Variants in MICAL3 observed in about 807,000 individuals in gnomAD.
The protein encoded by MICAL3 is [F-actin]-monooxygenase MICAL3.
In MICAL3, 62 loss-of-function variants were observed where a neutral mutation model predicts 207.4. The ratio of observed to expected loss-of-function variants is 0.30; its 90% confidence interval spans 0.24 to 0.37. The LOEUF is 0.37. Ranked by LOEUF, MICAL3 falls within the 10% of genes least tolerant of loss-of-function variation. The pLI is 1.00. For missense variants in MICAL3, 2,368 were observed against 2,635.6 expected (o/e 0.90, Z 2.22); for synonymous variants, 1,077 against 1,069.3 (o/e 1.01, Z -0.14).
chr22:17,940,107 C>G (rs534309714), intron 1 of MICAL3, among the ~76,000 whole-genome samples: 1 of 152,308 alleles, frequency 6.6e-6, no homozygotes, highest in Admixed American at 6.5e-5. Context: ...AAAGCTGAGG[C>G]AAGGAAATGC....
chr22:17,916,068 A>C (rs938113824), intron 1 of MICAL3, among the ~76,000 whole-genome samples: 11 of 150,184 alleles, frequency 7.3e-5, no homozygotes, highest in East Asian at 1.9e-4. Context: ...AAAAAAAAAA[A>C]AAAAAAAAAA....
At chr22:17,797,377 C>T (rs2061887574) in intron 29 of MICAL3, among the ~76,000 whole-genome samples, 1 of 152,018 alleles carries the variant, frequency 6.6e-6, no homozygotes, top group Non-Finnish European at 1.5e-5. Context: ...ATCTATAGTC[C>T]CAGCTACTCA....
chr22:17,989,476 G>A (rs763523111), intron 1 of MICAL3, among the ~76,000 whole-genome samples: 1 of 151,914 alleles, frequency 6.6e-6, no homozygotes, highest in African/African-American at 2.4e-5. Context: ...GACAGAACCC[G>A]GTACAGCAGC....
intron 1 of MICAL3, among the ~76,000 whole-genome samples, chr22:17,959,513 C>T (rs1250095188): frequency 6.6e-6 from 1 of 151,974 alleles, no homozygotes; most frequent in Non-Finnish European, 1.5e-5. Flanking sequence ...CACGGTTTCA[C>T]CATGTTGGCC....
chr22:17,934,591 T>C (rs1289132470), intron 1 of MICAL3, among the ~76,000 whole-genome samples: 1 of 152,134 alleles, frequency 6.6e-6, no homozygotes, highest in East Asian at 1.9e-4. Context: ...CAACACAGTG[T>C]TGGAAGTTCT....
chr22:17,830,280 C>G (rs745695061), intron 21 of MICAL3, among the ~76,000 whole-genome samples: 49 of 152,324 alleles, frequency 3.2e-4, no homozygotes, highest in Non-Finnish European at 6.2e-4. Flanking sequence ...GGCTGCCCGA[C>G]AGACACACCT....
Position 17,885,986 on chromosome 22 carries a change from C to T in MICAL3, c.2133G>A (p.Arg711=), listed in dbSNP as rs532528128. Residue 711 remains arginine, a synonymous_variant, in exon 16 of 32, where the codon AGG becomes AGA. Transcript: ENST00000441493. ...TCTGGTTCCCAACGGCAACGTCCAT[C>T]CTCCTGTCTGTCAGAGTGCTCACCA... ...PTLVSTLTDR[R]MDVAVGNQNK... is the part of the protein sequence containing the mutation. 3.7e-6 allele frequency: 6 copies of T among 1,614,058 alleles called. No homozygotes were observed. The highest frequency in any genetic ancestry group is 1.1e-5 in the South Asian group (1 of 91,080).
chr22:17,910,862 T>C (rs543759961), intron 1 of MICAL3, among the ~76,000 whole-genome samples: 1 of 152,296 alleles, frequency 6.6e-6, no homozygotes, highest in South Asian at 2.1e-4. Context: ...AGCCAGATCA[T>C]GCTCCTCCTG....
In MICAL3 at chr22:17,904,610, C is replaced by T. The variant is rs377744146; in HGVS notation, c.472+22G>A. ...GTGCAAGGGGTAGGGTGGAATCTTACAGGAAAGCTAGTTTTACTTACTGAT... is the reference window on the plus strand; with the variant it reads ...GTGCAAGGGGTAGGGTGGAATCTTATAGGAAAGCTAGTTTTACTTACTGAT... On this transcript the variant is annotated intron_variant, in intron 3 of 31. Coordinates refer to ENST00000441493, the MANE Select transcript of MICAL3 (RefSeq NM_015241.3). 2.5e-6 allele frequency: 4 copies of T among 1,590,220 alleles called. No individual in the cohort carries two copies. The African/African-American group carries it at 4.0e-5, about 16-fold the overall frequency.
intron 27 of MICAL3, chr22:17,811,624 G>A (rs994178825): frequency 1.3e-5 from 2 of 152,220 alleles, no homozygotes; most frequent in Non-Finnish European, 2.9e-5. Flanking sequence ...TGGGTGCCAA[G>A]GGCTCAAGGG....
chr22:18,017,282 C>T (rs924935330), intron 1 of MICAL3, among the ~76,000 whole-genome samples: 3 of 151,616 alleles, frequency 2.0e-5, no homozygotes, highest in Admixed American at 6.6e-5. Flanking sequence ...GGCGCAATCT[C>T]GGCTCACTGC....
At chr22:17,949,599 G>A (rs1312912399) in intron 1 of MICAL3, among the ~76,000 whole-genome samples, 3 of 152,224 alleles carry the variant, frequency 2.0e-5, no homozygotes, top group South Asian at 2.1e-4. Flanking sequence ...TTTTATAAGC[G>A]TGCATGCCAC....
intron 1 of MICAL3, among the ~76,000 whole-genome samples, chr22:17,959,337 CAG>C (rs1393667057): frequency 7.0e-6 from 1 of 141,888 alleles, no homozygotes; most frequent in Non-Finnish European, 1.5e-5. Flanking sequence ...TTTTTTGAAA[CAG>C]AGTCTCGCTC....
chr22:17,886,172 G>C lies in MICAL3; in HGVS notation c.2068-121C>G. 5 of 1,034,402 alleles carry C rather than the reference G, an allele frequency of 4.8e-6. No individual in the cohort carries two copies. The South Asian group carries it at 7.3e-5, about 15-fold the overall frequency. 64.1% of individuals were successfully genotyped at this position (1,034,402 alleles called of 1,614,324 possible). A position where few individuals can be genotyped will look rare whatever the true frequency, so the allele number is the denominator to read the frequency against. ...GCTGGTGGACTGGCTCAGCTCTCAA[G>C]GTTCCCGTGTCCACACAGAGACAGC... On this transcript the variant is annotated intron_variant, in intron 15 of 31. Transcript: ENST00000441493.
intron 19 of MICAL3, chr22:17,861,017 A>G: frequency 8.1e-6 from 8 of 985,422 alleles, no homozygotes; most frequent in Non-Finnish European, 9.6e-6. Flanking sequence ...CTATATATAA[A>G]CATTCACACA....
At chr22:17,949,104 G>C in intron 1 of MICAL3, among the ~76,000 whole-genome samples, 1 of 151,160 alleles carries the variant, frequency 6.6e-6, no homozygotes, top group African/African-American at 2.4e-5. Context: ...CAGCTACTCA[G>C]GAGGCTGAGG....
chr22:17,816,811 G>C (rs2146005271), intron 26 of MICAL3, 27 bp from the exon 27 acceptor site: 2 of 1,485,934 alleles, frequency 1.3e-6, no homozygotes, highest in South Asian at 1.2e-5. Flanking sequence ...GCCACGTGAG[G>C]ACAGCGCCAG....
At chr22:17,991,033 A>T (rs528261371) in intron 1 of MICAL3, among the ~76,000 whole-genome samples, 47 of 152,358 alleles carry the variant, frequency 3.1e-4, no homozygotes, top group African/African-American at 1.1e-3. Flanking sequence ...CACGGAGCTG[A>T]GTGGGGCAGC....
At chr22:17,906,289 A>C (rs1931713332) in intron 2 of MICAL3, among the ~76,000 whole-genome samples, 1 of 152,184 alleles carries the variant, frequency 6.6e-6, no homozygotes, top group Non-Finnish European at 1.5e-5. Flanking sequence ...CATCCACAAA[A>C]TTTCAACAGG....
Sources: allele counts gnomAD v4.1 joint callset (sites outside exome capture counted in the v4.1 genomes callset), GRCh38; gene constraint gnomAD v4.1.1; transcripts MANE v1.5; gene names NCBI Gene and HGNC (gene_info 2026-07-23, HGNC 2026-07-21).